TBRG4: variants seen among roughly 807,000 people sequenced by gnomAD.
The protein encoded by TBRG4 is FAST kinase domain-containing protein 4.
A neutral mutation model predicts 65.6 loss-of-function variants in TBRG4; 43 were observed. The ratio of observed to expected loss-of-function variants is 0.66; its 90% CI spans 0.51 to 0.85. The LOEUF is 0.85. Ranked by LOEUF, TBRG4 falls within the 40% of genes least tolerant of loss-of-function variation. The pLI, the probability that TBRG4 is intolerant of heterozygous loss-of-function variation, is 0.00. For synonymous variants in TBRG4, 366 were observed against 341.4 expected, an observed-to-expected ratio of 1.07 and a Z score of -0.79; for missense variants, 709 against 787.9, an observed-to-expected ratio of 0.90 and a Z score of 1.20.
At chr7:45,106,760 A>T (rs1784970360) in intron 2 of TBRG4, 1 of 152,250 alleles carries the variant, frequency 6.6e-6, no homozygotes, top group Non-Finnish European at 1.5e-5. Flanking sequence ...TGGGTGACAG[A>T]GTGAGACTCT....
chr7:45,104,961 T>G lies in TBRG4; in HGVS notation c.736-252A>C, dbSNP rs187013002. ...CCCAGGGTAGGTGACCCAGGGCCCA[T>G]GAGCTGTGGAGCTTGCTGTGGCAGC... is the stretch of plus-strand genomic sequence containing the variant. On this transcript the variant is annotated intron_variant, in intron 3 of 10. Transcript: ENST00000258770. 5.4e-5 allele frequency: 41 copies of G among 764,744 alleles called. No homozygotes were observed. The African/African-American group carries it at 5.9e-4, about 11-fold the overall frequency. 47.4% of individuals were successfully genotyped at this position (764,744 alleles called of 1,614,324 possible).
At chr7:45,109,734 T>TG (rs1346252743) in intron 1 of TBRG4, among the ~76,000 whole-genome samples, 1 of 152,128 alleles carries the variant, frequency 6.6e-6, no homozygotes, top group East Asian at 1.9e-4. Context: ...CCCAGCACTT[T>TG]GGGAGGCCTA....
At chr7:45,103,210 C>T in intron 6 of TBRG4, 123 bp downstream of exon 6, 1 of 746,228 alleles carries the variant, frequency 1.3e-6, no homozygotes, top group East Asian at 2.7e-5. Flanking sequence ...CCTGCCCTCC[C>T]ATGCCACACA....
rs758834072 is a variant in TBRG4, at chr7:45,106,015, G to C, written c.412-251C>G. 27 of 707,362 alleles carry C rather than the reference G, an allele frequency of 3.8e-5. No individual in the cohort carries two copies. In the Middle Eastern group the frequency reaches 2.3e-3, roughly 60 times the overall value. The allele number at this position is 707,362 out of a possible 1,614,324, so 43.8% of individuals were successfully genotyped here. Reference sequence around the variant, plus strand: ...CCCTGAGCCTGGGACACAGTAACAGGGCCTGTGAGTCACTGTTTCTGTGGC... The same window carrying C: ...CCCTGAGCCTGGGACACAGTAACAGCGCCTGTGAGTCACTGTTTCTGTGGC... On this transcript the variant is annotated intron_variant, in intron 2 of 10. Coordinates refer to ENST00000258770, the MANE Select transcript of TBRG4 (RefSeq NM_004749.4).
rs776605796 is a variant in TBRG4 at position 45,111,687 on chromosome 7, C to A, written c.-95G>T. ...ACCTCCATCCGCCGCCCTAACTGTCCCCGGAACCATGAGGTGCGCGGCGCG... is the reference window on the plus strand; with the variant it reads ...ACCTCCATCCGCCGCCCTAACTGTCACCGGAACCATGAGGTGCGCGGCGCG... On this transcript the variant is annotated 5_prime_UTR_variant, in exon 1 of 11. Transcript: ENST00000258770. The A allele has an allele frequency of 7.8e-7, 1 of 1,289,428 alleles. No homozygotes were observed. Among genetic ancestry groups the A allele is most frequent in the Non-Finnish European group, 1.0e-6 (1 of 988,868 alleles). 79.9% of individuals were successfully genotyped at this position (1,289,428 alleles called of 1,614,324 possible).
intron 6 of TBRG4, 30 bp from the exon 7 acceptor site, chr7:45,102,521 G>A (rs1260666536): frequency 1.2e-6 from 2 of 1,600,032 alleles, no homozygotes; most frequent in East Asian, 4.5e-5. Context: ...GGTGGAGAAA[G>A]CAGGCTCTCC....
At chr7:45,103,269 G>A (rs1389393509) in intron 6 of TBRG4, 64 bp downstream of exon 6, 23 of 1,355,674 alleles carry the variant, frequency 1.7e-5, no homozygotes, top group South Asian at 3.7e-5. Flanking sequence ...TTGGGAGGAC[G>A]GTTCATGAGC....
Position 45,104,221 on chromosome 7 carries a change from G to A in TBRG4, c.943C>T (p.Arg315Cys), listed in dbSNP as rs773754693. ...LSFHQTQVSQRLATDLLSLMP... is the reference protein window; with the variant it reads ...LSFHQTQVSQCLATDLLSLMP... ...AGGGATAGCAGGTCGGTGGCCAGGCGCTGGGACACCTGGGTCTGGTGAAAG... is the reference window on the plus strand; with the variant it reads ...AGGGATAGCAGGTCGGTGGCCAGGCACTGGGACACCTGGGTCTGGTGAAAG... Residue 315 changes from arginine (R) to cysteine (C), a missense_variant, in exon 5 of 11, where the codon CGC becomes TGC. Transcript: ENST00000258770. 7.4e-6 allele frequency: 12 copies of A among 1,613,996 alleles called. No homozygotes were observed. Among genetic ancestry groups the A allele is most frequent in the African/African-American group, 4.0e-5 (3 of 74,938 alleles).
chr7:45,100,366 C>T lies in TBRG4; in HGVS notation c.1855G>A (p.Asp619Asn). The T allele has an allele frequency of 1.9e-6, 3 of 1,614,198 alleles. No homozygotes were observed. Among genetic ancestry groups the T allele is most frequent in the Non-Finnish European group, 2.5e-6 (3 of 1,180,034 alleles). The change falls in exon 11 of 11, where the codon GAC becomes AAC. Residue 619 changes from aspartate to asparagine, a missense_variant. Asp to Asn is a conservative substitution (Grantham distance 23). Transcript: ENST00000258770. Reference protein sequence around the residue: ...SEWQKGAYLKDKMRKAVAEEL... With the variant: ...SEWQKGAYLKNKMRKAVAEEL... ...TCAGCCACCGCTTTGCGCATCTTGT[C>T]CTTGAGGTAGGCGCCTTTCTGCCAT... is the stretch of plus-strand genomic sequence containing the variant.
chr7:45,105,782 A>C lies in TBRG4; in HGVS notation c.412-18T>G. ...GAGGCAATCTAGGCAGAGAAAGGAC[A>C]CAGGAGAAATGATGTGGCACTGTCA... On this transcript the variant is annotated intron_variant, in intron 2 of 10. Transcript: ENST00000258770. 6.3e-7 allele frequency: 1 copy of C among 1,589,848 alleles called. No individual in the cohort carries two copies. Among genetic ancestry groups the C allele is most frequent in the South Asian group, 1.1e-5 (1 of 87,544 alleles).
At chr7:45,108,323 C>T (rs1785019807) in intron 2 of TBRG4, among the ~76,000 whole-genome samples, 1 of 152,254 alleles carries the variant, frequency 6.6e-6, no homozygotes, top group Non-Finnish European at 1.5e-5. Flanking sequence ...AGTCTGAGTT[C>T]TGCCCTGCTC....
intron 2 of TBRG4, chr7:45,107,852 C>G (rs1251501181): frequency 6.5e-6 from 1 of 152,694 alleles, no homozygotes; most frequent in East Asian, 1.9e-4. Flanking sequence ...GGGGGCCTAA[C>G]TAAGTTCATT....
intron 2 of TBRG4, 29 bp from the exon 3 acceptor site, chr7:45,105,793 G>A (rs1189516044): frequency 6.3e-7 from 1 of 1,582,040 alleles, no homozygotes; most frequent in African/African-American, 1.3e-5. Context: ...CAGGAGAAAT[G>A]ATGTGGCACT....
At chr7:45,101,721 C>A in intron 8 of TBRG4, 104 bp downstream of exon 8, 1 of 1,596,612 alleles carries the variant, frequency 6.3e-7, no homozygotes, top group Non-Finnish European at 8.5e-7. Context: ...GGCTGACACC[C>A]TGCAGCTCCC....
At position 45,101,977 on chromosome 7, in the gene TBRG4, AG is replaced by A; in HGVS notation, c.1414del (p.Leu472PhefsTer18). The A allele has an allele frequency of 6.3e-7, 1 of 1,584,330 alleles. No homozygotes were observed. The highest frequency in any genetic ancestry group is 1.1e-5 in the South Asian group (1 of 88,980). ...LLEYPEYSGP[L>X]LPASAVAPGP... ...AGGGGCCACAGCCGAGGCAGGCAGA[AG>A]GGGACCCGAGTACTCGGGGTACTCC... On this transcript the variant is annotated frameshift_variant, in exon 8 of 11. Transcript: ENST00000258770. LOFTEE classifies it high-confidence loss of function.
At chr7:45,103,742 G>GT in intron 5 of TBRG4, 3 of 514,124 alleles carry the variant, frequency 5.8e-6, no homozygotes, top group East Asian at 3.3e-5. Context: ...ACACATAAAC[G>GT]TAACTGCAGG....
Position 45,104,132 on chromosome 7 carries a change from C to A in TBRG4, c.1032G>T (p.Trp344Cys), listed in dbSNP as rs1169147907. ...HCAKSFALLK[W>C]LSLPLFEAFA... ...AGGCCTCAAACAGGGGCAGGCTGAG[C>A]CACTTGAGTAAGGCGAAGGACTTGG... Residue 344 changes from tryptophan to cysteine, a missense_variant, in exon 5 of 11, where the codon TGG becomes TGT. Transcript: ENST00000258770. The A allele has an allele frequency of 6.2e-7, 1 of 1,612,566 alleles. No homozygotes were observed. Among genetic ancestry groups the A allele is most frequent in the Admixed American group, 1.7e-5 (1 of 59,780 alleles).
chr7:45,105,332 C>G, intron 3 of TBRG4, 109 bp downstream of exon 3: 1 of 1,256,260 alleles, frequency 8.0e-7, no homozygotes, highest in African/African-American at 1.5e-5. Context: ...TCCCAGGGCT[C>G]TGATCCCAGT....
At chr7:45,103,749 C>T in intron 5 of TBRG4, 1 of 515,556 alleles carries the variant, frequency 1.9e-6, no homozygotes, top group South Asian at 2.5e-5. Context: ...AACGTAACTG[C>T]AGGTGTCATC....
Sources: gnomAD v4.1 joint callset for allele counts (sites outside exome capture counted in the v4.1 genomes callset) on GRCh38, gnomAD v4.1.1 for gene constraint, MANE v1.5 for transcripts, NCBI Gene and HGNC (gene_info 2026-07-23, HGNC 2026-07-21) for gene names.